VANGL2: variants seen among roughly 807,000 people sequenced by gnomAD.
The protein encoded by VANGL2 is vang-like protein 2.
A neutral mutation model predicts 50.2 loss-of-function variants in VANGL2; 14 were observed. The observed-to-expected ratio is 0.28, with a 90% CI of 0.18 to 0.44. VANGL2 has a LOEUF of 0.44. Among genes scored for constraint, VANGL2 ranks in the 20% least tolerant of loss-of-function variants. The pLI, the probability that VANGL2 is intolerant of heterozygous loss-of-function variation, is 1.00. For missense variants in VANGL2, 533 were observed against 701.5 expected (o/e 0.76, Z 2.71); for synonymous variants, 295 against 297.2 (o/e 0.99, Z 0.08).
intron 1 of VANGL2, among the ~76,000 whole-genome samples, chr1:160,404,343 G>A (rs1260155368): frequency 6.6e-6 from 1 of 152,170 alleles, no homozygotes; most frequent in African/African-American, 2.4e-5. Context: ...AGAGTGCTTG[G>A]CCCTGGGGTG....
intron 1 of VANGL2, among the ~76,000 whole-genome samples, chr1:160,407,789 T>G (rs1262002869): frequency 6.6e-6 from 1 of 152,198 alleles, no homozygotes; most frequent in Non-Finnish European, 1.5e-5. Context: ...CCTTCTTGGT[T>G]CTTCCACAGC....
At chr1:160,423,954 G>A (rs1181650077) in intron 6 of VANGL2, 98 bp from the exon 7 acceptor site, 4 of 1,370,760 alleles carry the variant, frequency 2.9e-6, no homozygotes, top group Non-Finnish European at 4.2e-6. Flanking sequence ...ACAAAGGCCT[G>A]ACCTCATTCA....
chr1:160,405,581 G>T (rs191383384), intron 1 of VANGL2, among the ~76,000 whole-genome samples: 244 of 146,244 alleles, frequency 1.7e-3, no homozygotes, highest in African/African-American at 5.7e-3. Context: ...AGCAGGCTTG[G>T]AATCAGCAGA....
Position 160,425,333 on chromosome 1 carries a change from G to A in VANGL2, c.1521G>A (p.Lys507=), listed in dbSNP as rs773003560. 9.4e-6 allele frequency: 15 copies of A among 1,593,582 alleles called. No homozygotes were observed. The highest frequency in any genetic ancestry group is 1.3e-5 in the Non-Finnish European group (15 of 1,168,806). ...TCTCCGAGGAATTTGTGGATCCCAA[G>A]TCACACAAGTTTGTCATGAGGCTGC... The part of the protein sequence containing the change: ...FKLSEEFVDP[K]SHKFVMRLQS... The change falls in exon 8 of 8, where the codon AAG becomes AAA. Residue 507 remains lysine, a synonymous_variant. Transcript: ENST00000368061.
intron 3 of VANGL2, among the ~76,000 whole-genome samples, chr1:160,417,099 C>T (rs1651088882): frequency 6.6e-6 from 1 of 152,142 alleles, no homozygotes; most frequent in African/African-American, 2.4e-5. Context: ...GATCCCAAGC[C>T]CTTGGTCCTT....
intron 1 of VANGL2, among the ~76,000 whole-genome samples, chr1:160,410,167 C>A (rs907021128): frequency 6.6e-6 from 1 of 152,180 alleles, no homozygotes; most frequent in Non-Finnish European, 1.5e-5. Flanking sequence ...TATCAGAGAT[C>A]TCTGCCCCTG....
At chr1:160,423,944 A>C in intron 6 of VANGL2, 108 bp from the exon 7 acceptor site, 3 of 1,255,380 alleles carry the variant, frequency 2.4e-6, no homozygotes, top group Non-Finnish European at 3.5e-6. Flanking sequence ...TTGGGTGAGC[A>C]CAAAGGCCTG....
chr1:160,421,476 T>C (rs937910975), intron 6 of VANGL2, among the ~76,000 whole-genome samples: 2 of 152,066 alleles, frequency 1.3e-5, no homozygotes, highest in African/African-American at 2.4e-5. Context: ...CTATGCTTTC[T>C]CTTTCAAGCT....
rs551223583 is a variant in VANGL2 at position 160,426,469 on chromosome 1, C to G, written c.*1091C>G. The stretch of plus-strand genomic sequence containing the variant: ...GTCCAGTTCTTTGCCTCAGGGGTCT[C>G]GTTTCCTTGGCCTTCCAGGGTCCCC... On this transcript the variant is annotated 3_prime_UTR_variant, in exon 8 of 8. Transcript: ENST00000368061. The G allele has an allele frequency of 6.5e-6, 1 of 153,130 alleles. No individual in the cohort carries two copies. The highest frequency in any genetic ancestry group is 1.5e-5 in the Non-Finnish European group (1 of 68,456). 9.5% of individuals were successfully genotyped at this position (153,130 alleles called of 1,614,324 possible).
Position 160,419,543 on chromosome 1 carries a change from A to G in VANGL2, c.734A>G (p.Gln245Arg), listed in dbSNP as rs1234235108. The change falls in exon 4 of 8, where the codon CAG (glutamine) becomes CGG (arginine). Residue 245 changes from glutamine (Q) to arginine (R), a missense_variant. By Grantham distance (43) the Gln-to-Arg change is conservative. Coordinates refer to ENST00000368061, the MANE Select transcript of VANGL2 (RefSeq NM_020335.3). The surrounding 1 kb of genome is among the most constrained non-coding windows in gnomAD (Gnocchi z 5.8). ...CTGGAGCTGCGCCAGCTCCAGCCTC[A>G]GTTCACGCTCAAGGTCGTGCGCTCC... ...VLLELRQLQP[Q>R]FTLKVVRSTD... 2.5e-6 allele frequency: 4 copies of G among 1,600,750 alleles called. No homozygotes were observed. Among genetic ancestry groups the G allele is most frequent in the Admixed American group, 3.3e-5 (2 of 59,954 alleles).
At chr1:160,414,669 A>G (rs979937407) in intron 1 of VANGL2, among the ~76,000 whole-genome samples, 2 of 152,154 alleles carry the variant, frequency 1.3e-5, no homozygotes. Context: ...TACATGGTTC[A>G]TAGAAGGTGC....
Position 160,416,069 on chromosome 1 carries a change from C to A in VANGL2, c.79C>A (p.Arg27=), listed in dbSNP as rs754493544. 1.2e-6 allele frequency: 2 copies of A among 1,614,168 alleles called. No individual in the cohort carries two copies. Among genetic ancestry groups the A allele is most frequent in the Non-Finnish European group, 8.5e-7 (1 of 1,180,022 alleles). The change falls in exon 3 of 8, where the codon CGG becomes AGG. Residue 27 remains arginine (R), a synonymous_variant. Coordinates refer to ENST00000368061, the MANE Select transcript of VANGL2 (RefSeq NM_020335.3). ...SRSSRKHRDR[R]DRHRSKSRDG... The stretch of plus-strand genomic sequence containing the variant: ...TCTGGCTTCCTGCCGCAGGGACCGC[C>A]GGGACCGACACCGCTCTAAGAGTCG...
chr1:160,411,384 C>T (rs555542930), intron 1 of VANGL2, among the ~76,000 whole-genome samples: 5 of 152,020 alleles, frequency 3.3e-5, no homozygotes, highest in African/African-American at 1.2e-4. Flanking sequence ...TGATCTCATC[C>T]AGCCATCCCC....
Position 160,425,418 on chromosome 1 carries a change from C to A in VANGL2, c.*40C>A. The A allele has an allele frequency of 1.2e-6, 1 of 814,308 alleles. No homozygotes were observed. The highest frequency in any genetic ancestry group is 1.5e-6 in the Non-Finnish European group (1 of 647,426). The allele number at this position is 814,308 out of a possible 1,614,324, so 50.4% of individuals were successfully genotyped here. Reference sequence around the variant, plus strand: ...GGGGAGTGGGAAACTCTGGGGGGTCCTGAGGGGGTGGGAGGGGGCTTGGTT... The same window carrying A: ...GGGGAGTGGGAAACTCTGGGGGGTCATGAGGGGGTGGGAGGGGGCTTGGTT... On this transcript the variant is annotated 3_prime_UTR_variant, in exon 8 of 8. Transcript: ENST00000368061.
In VANGL2 at chr1:160,410,138, A is replaced by G. The variant is rs193236643; in HGVS notation, c.-190-5510A>G. On this transcript the variant is annotated intron_variant, in intron 1 of 7. Coordinates refer to ENST00000368061, the MANE Select transcript of VANGL2 (RefSeq NM_020335.3). ...AACCACCCTTCCCTAGTCCCTGACT[A>G]CGGAGAGAAAAATGGTCCTATCAGA... is the stretch of plus-strand genomic sequence containing the variant. Among the ~76,000 whole-genome samples, 290 of 152,242 alleles carry G rather than the reference A, an allele frequency of 1.9e-3. 2 individuals carry two copies. The highest frequency in any genetic ancestry group is 0.015 in the Admixed American group (227 of 15,302).
At chr1:160,422,110 G>A (rs1038360482) in intron 6 of VANGL2, among the ~76,000 whole-genome samples, 2 of 152,098 alleles carry the variant, frequency 1.3e-5, no homozygotes, top group Admixed American at 6.5e-5. Flanking sequence ...CCTGGCCTCC[G>A]CCCCATCTCC....
chr1:160,401,131 G>C (rs1048230240), intron 1 of VANGL2, among the ~76,000 whole-genome samples: 80 of 152,174 alleles, frequency 5.3e-4, no homozygotes, highest in Non-Finnish European at 1.9e-4. Flanking sequence ...GCGGAGCCCA[G>C]GCCTGGAGAG....
In VANGL2 at chr1:160,425,677, CT is replaced by C; in HGVS notation, c.*303del. 8.9e-6 allele frequency: 3 copies of C among 336,540 alleles called. No homozygotes were observed. Among genetic ancestry groups the C allele is most frequent in the Non-Finnish European group, 1.6e-5 (3 of 183,166 alleles). The allele number at this position is 336,540 out of a possible 1,614,324, so 20.8% of individuals were successfully genotyped here. ...CCTCTCTCCCTCTTCTTTCCCTAGT[CT>C]TTTCCCAGATTACAGTCTCTCCTGA... On this transcript the variant is annotated 3_prime_UTR_variant, in exon 8 of 8. Transcript: ENST00000368061.
chr1:160,408,613 C>G (rs532125657), intron 1 of VANGL2, among the ~76,000 whole-genome samples: 1 of 152,116 alleles, frequency 6.6e-6, no homozygotes, highest in African/African-American at 2.4e-5. Flanking sequence ...GATCCTGCCC[C>G]CACCCTGGGG....
Sources: gnomAD v4.1 joint callset for allele counts (sites outside exome capture counted in the v4.1 genomes callset) on GRCh38, gnomAD v4.1.1 for gene constraint, Gnocchi (gnomAD v3.1) non-coding constraint, MANE v1.5 for transcripts, NCBI Gene and HGNC (gene_info 2026-07-23, HGNC 2026-07-21) for gene names.